Variants in NFASC observed in about 807,000 individuals in gnomAD.
NFASC encodes neurofascin homolog.
A neutral mutation model predicts 147.5 loss-of-function variants in NFASC; 43 were observed. The observed-to-expected ratio is 0.29, with a 90% CI of 0.23 to 0.38. The LOEUF is 0.38. Ranked by LOEUF, NFASC falls within the 10% of genes least tolerant of loss-of-function variation. NFASC has a pLI of 1.00. For synonymous variants in NFASC, 622 were observed against 665.5 expected (o/e 0.93, Z 1.01); for missense variants, 1,320 against 1,689.0 (o/e 0.78, Z 3.83).
intron 1 of NFASC, among the ~76,000 whole-genome samples, chr1:204,833,669 C>CA (rs1672885829): frequency 6.6e-6 from 1 of 152,154 alleles, no homozygotes; most frequent in East Asian, 1.9e-4. Flanking sequence ...CAAGACAATA[C>CA]AGGGTCTAAT....
chr1:205,018,594 G>T lies in NFASC; in HGVS notation c.*2055G>T, dbSNP rs1224433628. On this transcript the variant is annotated 3_prime_UTR_variant, in exon 30 of 30. Coordinates refer to ENST00000339876, the MANE Select transcript of NFASC (RefSeq NM_001005388.3). The stretch of plus-strand genomic sequence containing the variant: ...TGCAAGGGGACAGGGTAAACAGCAG[G>T]GGGTGGGGTGTGAGCTTGGAGGGCC... The T allele has an allele frequency of 6.5e-6, 1 of 152,726 alleles. No homozygotes were observed. Among genetic ancestry groups the T allele is most frequent in the Non-Finnish European group, 1.5e-5 (1 of 68,082 alleles). 9.5% of individuals were successfully genotyped at this position (152,726 alleles called of 1,614,324 possible).
At chr1:204,833,686 T>G (rs548304243) in intron 1 of NFASC, among the ~76,000 whole-genome samples, 1 of 152,324 alleles carries the variant, frequency 6.6e-6, no homozygotes, top group East Asian at 1.9e-4. Flanking sequence ...TAATTAAATC[T>G]TCATTGGTGC....
intron 23 of NFASC, chr1:204,989,081 G>T (rs1440046987): frequency 4.0e-6 from 2 of 499,348 alleles, no homozygotes; most frequent in Middle Eastern, 5.4e-4. Flanking sequence ...TTTCCTTCTT[G>T]TAGAGGAATA....
intron 1 of NFASC, among the ~76,000 whole-genome samples, chr1:204,878,362 C>A (rs757784017): frequency 1.6e-4 from 24 of 152,124 alleles, no homozygotes; most frequent in Non-Finnish European, 2.5e-4. Context: ...ATGCAGTTTT[C>A]GCCGTTAAAA....
At chr1:204,837,421 G>A (rs966857727) in intron 1 of NFASC, among the ~76,000 whole-genome samples, 6 of 152,200 alleles carry the variant, frequency 3.9e-5, no homozygotes, top group South Asian at 4.1e-4. Flanking sequence ...TGGAAGAAGC[G>A]GTCTGGGGCC....
At chr1:204,963,481 A>G (rs540751416) in intron 8 of NFASC, among the ~76,000 whole-genome samples, 118 of 152,374 alleles carry the variant, frequency 7.7e-4, no homozygotes, top group South Asian at 4.1e-3. Context: ...AAGATAAGCC[A>G]TACAGGGGAA....
chr1:204,967,586 A>G (rs2095033502), intron 8 of NFASC, among the ~76,000 whole-genome samples: 1 of 145,882 alleles, frequency 6.9e-6, no homozygotes, highest in African/African-American at 2.6e-5. Context: ...CGAGCAGCTC[A>G]CATGTAATTA....
chr1:204,856,244 A>G (rs1472065665), intron 1 of NFASC, among the ~76,000 whole-genome samples: 2 of 152,118 alleles, frequency 1.3e-5, no homozygotes, highest in Non-Finnish European at 2.9e-5. Context: ...GGGAAAGTGA[A>G]TATACAGACA....
At chr1:204,900,927 T>C (rs1378189426) in intron 1 of NFASC, among the ~76,000 whole-genome samples, 1 of 152,148 alleles carries the variant, frequency 6.6e-6, no homozygotes, top group Admixed American at 6.5e-5. Context: ...TCCTCTCCTC[T>C]TGGCCTCCCA....
At chr1:204,957,054 A>G (rs1213657533) in intron 7 of NFASC, among the ~76,000 whole-genome samples, 1 of 152,272 alleles carries the variant, frequency 6.6e-6, no homozygotes, top group Non-Finnish European at 1.5e-5. Flanking sequence ...TGATTGGTAT[A>G]TATCTTACAG....
At position 205,016,726 on chromosome 1, in the gene NFASC, C is replaced by T. The variant is rs1462100963; in HGVS notation, c.*187C>T. On this transcript the variant is annotated 3_prime_UTR_variant, in exon 30 of 30. Transcript: ENST00000339876. This position sits in a 1 kb window ranked among gnomAD's most constrained non-coding sequence, Gnocchi z 5.1. ...CACAAGCCCCCTCCCAATGACCCCC[C>T]TTCAGCCCCGGGTGCCACCAGTGTG... The T allele has an allele frequency of 1.5e-6, 1 of 665,622 alleles. No individual in the cohort carries two copies. Among genetic ancestry groups the T allele is most frequent in the Admixed American group, 2.1e-5 (1 of 48,610 alleles). 41.2% of individuals were successfully genotyped at this position (665,622 alleles called of 1,614,324 possible).
chr1:204,937,960 C>G (rs890891366), intron 2 of NFASC, among the ~76,000 whole-genome samples: 1 of 152,220 alleles, frequency 6.6e-6, no homozygotes, highest in East Asian at 1.9e-4. Context: ...GCATGCAGCC[C>G]AAAAGTCTGA....
At chr1:204,948,013 T>C (rs1022910745) in intron 3 of NFASC, among the ~76,000 whole-genome samples, 30 of 152,264 alleles carry the variant, frequency 2.0e-4, no homozygotes, top group African/African-American at 5.1e-4. Flanking sequence ...CTCACACTTA[T>C]GCACACTCAC....
intron 1 of NFASC, among the ~76,000 whole-genome samples, chr1:204,900,559 C>T (rs2084339014): frequency 6.6e-6 from 1 of 152,122 alleles, no homozygotes; most frequent in South Asian, 2.1e-4. Context: ...CGCTGTCTCT[C>T]AAGGAACTTA....
intron 1 of NFASC, among the ~76,000 whole-genome samples, chr1:204,856,297 C>T (rs1399880600): frequency 1.3e-5 from 2 of 151,446 alleles, no homozygotes; most frequent in Non-Finnish European, 2.9e-5. Flanking sequence ...AGCTACACTT[C>T]GGGACATCAG....
At chr1:204,893,952 T>G (rs2082899904) in intron 1 of NFASC, among the ~76,000 whole-genome samples, 1 of 152,264 alleles carries the variant, frequency 6.6e-6, no homozygotes. Context: ...AGGACATTAA[T>G]GACCTCTCAT....
intron 1 of NFASC, among the ~76,000 whole-genome samples, chr1:204,849,007 G>A (rs1004285301): frequency 6.6e-6 from 1 of 152,252 alleles, no homozygotes; most frequent in Non-Finnish European, 1.5e-5. Context: ...AGGCAGGCCT[G>A]TCCCTGGGGA....
chr1:204,879,007 G>T (rs1305792925), intron 1 of NFASC, among the ~76,000 whole-genome samples: 1 of 152,162 alleles, frequency 6.6e-6, no homozygotes, highest in Non-Finnish European at 1.5e-5. Flanking sequence ...ATTCTTCTGA[G>T]TGGAAAAAAA....
At chr1:204,985,113 G>A (rs1304023378) in intron 21 of NFASC, among the ~76,000 whole-genome samples, 1 of 152,148 alleles carries the variant, frequency 6.6e-6, no homozygotes, top group East Asian at 1.9e-4. Context: ...CTTCCCCATG[G>A]GTCCCCCTCT....
Sources: gnomAD v4.1 joint callset for allele counts (sites outside exome capture counted in the v4.1 genomes callset) on GRCh38, gnomAD v4.1.1 for gene constraint, Gnocchi (gnomAD v3.1) non-coding constraint, MANE v1.5 for transcripts, NCBI Gene and HGNC (gene_info 2026-07-23, HGNC 2026-07-21) for gene names.